ZBBX: variants seen among roughly 807,000 people sequenced by gnomAD.
The protein encoded by ZBBX is zinc finger B-box domain-containing protein 1.
Under a neutral mutation model 108.5 loss-of-function variants are expected in ZBBX, and 101 were observed. That is an observed-to-expected ratio of 0.93 (90% CI 0.79 to 1.10). The LOEUF (loss-of-function observed/expected upper bound fraction) is 1.10. Ranked by LOEUF, ZBBX falls within the 50% of genes least tolerant of loss-of-function variation. The probability of loss-of-function intolerance (pLI) is 0.00; values close to 1 mark genes in which losing one functional copy is unlikely to be tolerated. For synonymous variants in ZBBX, 356 were observed against 323.4 expected, an observed-to-expected ratio of 1.10 and a Z score of -1.08; for missense variants, 1,009 against 941.4, an observed-to-expected ratio of 1.07 and a Z score of -0.94.
the ZBBX span, among the ~76,000 whole-genome samples, chr3:167,185,361 T>C: frequency 2.0e-5 from 3 of 152,108 alleles, no homozygotes; most frequent in African/African-American, 7.2e-5. Flanking sequence ...ATGGGGACAG[T>C]GGTTGATTAT....
At chr3:167,251,989 G>T in intron 20 of ZBBX, 1 of 417,722 alleles carries the variant, frequency 2.4e-6, no homozygotes, top group Non-Finnish European at 4.3e-6. Flanking sequence ...TTCTAGAATG[G>T]CACTCTGATA....
At chr3:167,187,403 C>T in the ZBBX span, among the ~76,000 whole-genome samples, 1 of 152,152 alleles carries the variant, frequency 6.6e-6, no homozygotes, top group East Asian at 1.9e-4. Context: ...ATCTGGAGTG[C>T]TCAGAGCCAA....
chr3:167,191,934 T>TATATATATATAGAGAGAG, the ZBBX span, among the ~76,000 whole-genome samples: 2 of 130,224 alleles, frequency 1.5e-5, no homozygotes, highest in African/African-American at 6.1e-5. Flanking sequence ...TATATATATA[T>TATATATATATAGAGAGAG]AGAGCAAGTT....
chr3:167,231,973 C>G, the ZBBX span, among the ~76,000 whole-genome samples: 1 of 151,540 alleles, frequency 6.6e-6, no homozygotes, highest in African/African-American at 2.4e-5. Context: ...TTCTACTTTC[C>G]AGAGAAGAAA....
At chr3:167,362,142 CAT>C (rs1457537945) in intron 6 of ZBBX, among the ~76,000 whole-genome samples, 2 of 152,160 alleles carry the variant, frequency 1.3e-5, no homozygotes, top group Non-Finnish European at 2.9e-5. Context: ...CACATATACA[CAT>C]ATATGCGCAT....
rs1213693171 is a variant in ZBBX, at chr3:167,315,796, T to C, written c.1228A>G (p.Ile410Val). Reference protein sequence around the residue: ...YEEEFEEAENIVPYKVKLADA... With the variant: ...YEEEFEEAENVVPYKVKLADA... ...GCTAATTTAACTTTGTAAGGCACAA[T>C]ATTTTCTGCTTCTTCAAATTCCTCT... The change falls in exon 15 of 22, where the codon ATT (isoleucine) becomes GTT (valine). Residue 410 changes from isoleucine to valine, a missense_variant. Coordinates refer to ENST00000675490, the MANE Select transcript of ZBBX (RefSeq NM_001199201.2). 3 of 1,607,216 alleles carry C rather than the reference T, an allele frequency of 1.9e-6. No homozygotes were observed. The highest frequency in any genetic ancestry group is 2.6e-6 in the Non-Finnish European group (3 of 1,176,154).
At chr3:167,245,309 G>C (rs1479427890) in intron 20 of ZBBX, among the ~76,000 whole-genome samples, 1 of 152,176 alleles carries the variant, frequency 6.6e-6, no homozygotes, top group Non-Finnish European at 1.5e-5. Context: ...CTTGCAGTGA[G>C]CTGAGATCGC....
intron 1 of ZBBX, among the ~76,000 whole-genome samples, chr3:167,400,069 T>C (rs1276939748): frequency 6.6e-6 from 1 of 152,214 alleles, no homozygotes; most frequent in Non-Finnish European, 1.5e-5. Context: ...TATTCCGTAG[T>C]GTATATGTAC....
chr3:167,277,025 T>C (rs1727722676), intron 20 of ZBBX, among the ~76,000 whole-genome samples: 2 of 151,586 alleles, frequency 1.3e-5, no homozygotes, highest in Admixed American at 1.3e-4. Flanking sequence ...AATAAAACAC[T>C]TTACAGAAAA....
intron 18 of ZBBX, among the ~76,000 whole-genome samples, chr3:167,293,126 G>A (rs949582187): frequency 2.0e-5 from 3 of 152,166 alleles, no homozygotes; most frequent in Non-Finnish European, 4.4e-5. Context: ...GAGGTACAAA[G>A]AGGAGCTGGT....
chr3:167,206,307 C>A, the ZBBX span, among the ~76,000 whole-genome samples: 1 of 151,974 alleles, frequency 6.6e-6, no homozygotes, highest in Non-Finnish European at 1.5e-5. Flanking sequence ...TCACAAATGG[C>A]AGTATCTCCT....
At chr3:167,258,664 C>G (rs1369649888) in intron 20 of ZBBX, among the ~76,000 whole-genome samples, 1 of 151,854 alleles carries the variant, frequency 6.6e-6, no homozygotes, top group South Asian at 2.1e-4. Flanking sequence ...CTGATTTTGC[C>G]GAGAGTTTTA....
At chr3:167,344,628 G>T (rs561144900) in intron 9 of ZBBX, among the ~76,000 whole-genome samples, 1 of 151,596 alleles carries the variant, frequency 6.6e-6, no homozygotes, top group African/African-American at 2.4e-5. Flanking sequence ...AGCATCAGCT[G>T]TTCCTTTTTG....
intron 16 of ZBBX, among the ~76,000 whole-genome samples, chr3:167,309,127 A>C (rs1734157111): frequency 6.6e-6 from 1 of 152,180 alleles, no homozygotes; most frequent in Non-Finnish European, 1.5e-5. Flanking sequence ...GTGGCTAAAA[A>C]TATTACTGCA....
intron 11 of ZBBX, among the ~76,000 whole-genome samples, chr3:167,323,940 T>C (rs1361984314): frequency 1.3e-5 from 2 of 151,836 alleles, no homozygotes; most frequent in Non-Finnish European, 2.9e-5. Flanking sequence ...TTTAGAATAC[T>C]AAAACAAAAC....
At chr3:167,266,220 T>G (rs1725438932) in intron 20 of ZBBX, among the ~76,000 whole-genome samples, 1 of 152,216 alleles carries the variant, frequency 6.6e-6, no homozygotes, top group Non-Finnish European at 1.5e-5. Context: ...GAAGGTATAT[T>G]TGTAAAAATA....
At chr3:167,210,928 G>T in the ZBBX span, among the ~76,000 whole-genome samples, 1 of 152,054 alleles carries the variant, frequency 6.6e-6, no homozygotes, top group African/African-American at 2.4e-5. Flanking sequence ...GGAGTCATCA[G>T]TATGAAAAAA....
chr3:167,407,724 A>G lies in ZBBX; in HGVS notation c.-446+2T>C, dbSNP rs1748630740. 6.6e-6 allele frequency among the ~76,000 whole-genome samples: 1 copy of G among 152,028 alleles called. No homozygotes were observed. Among genetic ancestry groups the G allele is most frequent in the Admixed American group, 6.6e-5 (1 of 15,260 alleles). Reference sequence around the variant, plus strand: ...TATAAGGGTCTTCATTTTTGTCTTTACCTTGAGTAGGCTGAGGAGGAAGAG... The same window carrying G: ...TATAAGGGTCTTCATTTTTGTCTTTGCCTTGAGTAGGCTGAGGAGGAAGAG... On this transcript the variant is annotated splice_donor_variant, in intron 1 of 21. Coordinates refer to the ZBBX transcript ENST00000455345. LOFTEE classifies it low-confidence loss of function (5UTR_SPLICE).
chr3:167,191,600 A>T, the ZBBX span, among the ~76,000 whole-genome samples: 3 of 152,130 alleles, frequency 2.0e-5, no homozygotes, highest in African/African-American at 4.8e-5. Flanking sequence ...GCCCCCATCC[A>T]CGTAAGATGT....
Sources: gnomAD v4.1 joint callset for allele counts (sites outside exome capture counted in the v4.1 genomes callset) on GRCh38, gnomAD v4.1.1 for gene constraint, MANE v1.5 for transcripts, NCBI Gene and HGNC (gene_info 2026-07-23, HGNC 2026-07-21) for gene names.